RTN1: variants seen among roughly 807,000 people sequenced by gnomAD.
The protein encoded by RTN1 is reticulon-1.
Under a neutral mutation model 65.5 loss-of-function variants are expected in RTN1, and 25 were observed. That is an observed-to-expected ratio of 0.38 (90% confidence interval 0.28 to 0.53). The LOEUF is 0.53. Among genes scored for constraint, RTN1 ranks in the 20% least tolerant of loss-of-function variants. The pLI is 0.79. For synonymous variants in RTN1, 471 were observed against 447.6 expected, an observed-to-expected ratio of 1.05 and a Z score of -0.66; for missense variants, 983 against 1,025.4, an observed-to-expected ratio of 0.96 and a Z score of 0.57.
At chr14:59,660,107 A>G (rs1883213184) in intron 3 of RTN1, among the ~76,000 whole-genome samples, 1 of 152,186 alleles carries the variant, frequency 6.6e-6, no homozygotes, top group African/African-American at 2.4e-5. Context: ...CTGATAAAAC[A>G]GACTTTAAAC....
intron 3 of RTN1, among the ~76,000 whole-genome samples, chr14:59,723,549 G>A (rs562524060): frequency 6.7e-4 from 102 of 152,152 alleles, no homozygotes; most frequent in African/African-American, 2.2e-3. Context: ...CCTGGGAGGC[G>A]GAGCTTGCAG....
intron 3 of RTN1, among the ~76,000 whole-genome samples, chr14:59,716,715 T>C (rs1884540670): frequency 6.6e-6 from 1 of 151,504 alleles, no homozygotes; most frequent in Non-Finnish European, 1.5e-5. Flanking sequence ...CCCAGCACTT[T>C]GGGAGGCCAA....
chr14:59,729,374 A>G (rs999230874), intron 2 of RTN1, among the ~76,000 whole-genome samples: 1 of 127,812 alleles, frequency 7.8e-6, no homozygotes, highest in Non-Finnish European at 1.7e-5. Flanking sequence ...GATATGATCT[A>G]TGGGTTCCCC....
At chr14:59,641,138 G>C (rs771346953) in intron 3 of RTN1, among the ~76,000 whole-genome samples, 2 of 151,748 alleles carry the variant, frequency 1.3e-5, no homozygotes, top group Admixed American at 1.3e-4. Flanking sequence ...TTTTTGGGGG[G>C]GGTATTTTTT....
intron 3 of RTN1, among the ~76,000 whole-genome samples, chr14:59,696,826 T>C (rs1884073379): frequency 6.6e-6 from 1 of 152,200 alleles, no homozygotes; most frequent in South Asian, 2.1e-4. Context: ...GAATTTCCTA[T>C]TCTTGGTCCC....
At chr14:59,787,545 CTG>C (rs1381761363) in intron 1 of RTN1, among the ~76,000 whole-genome samples, 15 of 152,216 alleles carry the variant, frequency 9.9e-5, no homozygotes, top group Non-Finnish European at 1.9e-4. Flanking sequence ...GGCCTGATCT[CTG>C]TCTTTCTTCT....
At chr14:59,748,431 T>C (rs888245767) in intron 1 of RTN1, among the ~76,000 whole-genome samples, 1 of 151,898 alleles carries the variant, frequency 6.6e-6, no homozygotes, top group African/African-American at 2.4e-5. Context: ...GATACCTATA[T>C]ACCTAATTCT....
intron 1 of RTN1, among the ~76,000 whole-genome samples, chr14:59,793,636 C>CACCACA (rs771792171): frequency 0.014 from 2,000 of 144,272 alleles, 35 homozygotes; most frequent in African/African-American, 0.041. Flanking sequence ...CAGGCACACA[C>CACCACA]CACACACACA....
At chr14:59,859,865 G>A (rs1478541544) in intron 1 of RTN1, among the ~76,000 whole-genome samples, 1 of 152,210 alleles carries the variant, frequency 6.6e-6, no homozygotes, top group Non-Finnish European at 1.5e-5. Flanking sequence ...CTTCAAACTT[G>A]AGAGAGATGA....
chr14:59,741,104 G>A (rs1040636458), intron 2 of RTN1, among the ~76,000 whole-genome samples: 1 of 152,162 alleles, frequency 6.6e-6, no homozygotes, highest in African/African-American at 2.4e-5. Flanking sequence ...CATTCTCCAT[G>A]CAGCATCCGG....
At chr14:59,608,625 A>G (rs989739425) in intron 3 of RTN1, among the ~76,000 whole-genome samples, 2 of 152,216 alleles carry the variant, frequency 1.3e-5, no homozygotes, top group African/African-American at 2.4e-5. Flanking sequence ...AGTCTCCTTC[A>G]TAACAGGCTG....
intron 2 of RTN1, among the ~76,000 whole-genome samples, chr14:59,734,279 A>G (rs118185250): frequency 3.9e-5 from 6 of 152,366 alleles, no homozygotes; most frequent in African/African-American, 7.2e-5. Flanking sequence ...AAAATGAGAA[A>G]GAACCAATGC....
chr14:59,696,169 G>A (rs1316428868), intron 3 of RTN1, among the ~76,000 whole-genome samples: 1 of 152,240 alleles, frequency 6.6e-6, no homozygotes, highest in East Asian at 1.9e-4. Flanking sequence ...TTTAATACTT[G>A]CATTTACCTG....
In RTN1 at chr14:59,816,248, C is replaced by A. The variant is rs979246795; in HGVS notation, c.241+54142G>T. ...GCACACACACAGACACACACACACA[C>A]TAGTTACTCAGGTGATTAATGAATG... On this transcript the variant is annotated intron_variant, in intron 1 of 8. Transcript: ENST00000267484. This position sits in a 1 kb window ranked among gnomAD's most constrained non-coding sequence, Gnocchi z 4.3. Among the ~76,000 whole-genome samples the A allele has an allele frequency of 4.6e-5, 7 of 152,108 alleles. No homozygotes were observed. Among genetic ancestry groups the A allele is most frequent in the African/African-American group, 1.4e-4 (6 of 41,416 alleles).
At chr14:59,682,677 C>CA (rs1883769174) in intron 3 of RTN1, among the ~76,000 whole-genome samples, 1 of 152,114 alleles carries the variant, frequency 6.6e-6, no homozygotes, top group East Asian at 1.9e-4. Context: ...AAAACAGAAA[C>CA]AATTGTCTCT....
At chr14:59,599,379 C>G (rs191135152) in intron 8 of RTN1, among the ~76,000 whole-genome samples, 1 of 152,302 alleles carries the variant, frequency 6.6e-6, no homozygotes, top group African/African-American at 2.4e-5. Context: ...TTGCTTCAAA[C>G]TGTACATCAT....
chr14:59,625,899 A>T (rs778468509), intron 3 of RTN1, among the ~76,000 whole-genome samples: 1 of 152,218 alleles, frequency 6.6e-6, no homozygotes, highest in Non-Finnish European at 1.5e-5. Flanking sequence ...TATCTGCATA[A>T]TACGAGTTTT....
At chr14:59,731,489 GA>G (rs1884896234) in intron 2 of RTN1, among the ~76,000 whole-genome samples, 1 of 152,050 alleles carries the variant, frequency 6.6e-6, no homozygotes, top group Admixed American at 6.6e-5. Flanking sequence ...ATAGTATATG[GA>G]TTATATCTCA....
chr14:59,715,624 G>A (rs907218143), intron 3 of RTN1, among the ~76,000 whole-genome samples: 2 of 152,022 alleles, frequency 1.3e-5, no homozygotes, highest in South Asian at 2.1e-4. Context: ...TCAGGAGTTC[G>A]AGACCAGCCT....
Sources: gnomAD v4.1 joint callset for allele counts (sites outside exome capture counted in the v4.1 genomes callset) on GRCh38, gnomAD v4.1.1 for gene constraint, Gnocchi (gnomAD v3.1) non-coding constraint, MANE v1.5 for transcripts, NCBI Gene and HGNC (gene_info 2026-07-23, HGNC 2026-07-21) for gene names.